SLC16A12: variants seen among roughly 807,000 people sequenced by gnomAD.
SLC16A12 encodes the protein monocarboxylate transporter 12.
In SLC16A12, 17 loss-of-function variants were observed where a neutral mutation model predicts 42.4. The ratio of observed to expected loss-of-function variants is 0.40; its 90% CI spans 0.27 to 0.60. SLC16A12 has a LOEUF of 0.60. SLC16A12 is among the 20% of genes least tolerant of loss of function. The probability of loss-of-function intolerance (pLI) is 0.42; values close to 1 mark genes in which losing one functional copy is unlikely to be tolerated. For missense variants in SLC16A12, 544 were observed against 623.0 expected (o/e 0.87, Z 1.35); for synonymous variants, 224 against 229.4 (o/e 0.98, Z 0.21).
chr10:89,485,699 A>G (rs989227436), intron 2 of SLC16A12, among the ~76,000 whole-genome samples: 5 of 152,226 alleles, frequency 3.3e-5, no homozygotes, highest in African/African-American at 1.2e-4. Flanking sequence ...GGGGAAGAAC[A>G]ATGCAGGTGA....
intron 4 of SLC16A12, 47 bp downstream of exon 4, chr10:89,443,709 A>C (rs1841952841): frequency 7.8e-7 from 1 of 1,279,596 alleles, no homozygotes; most frequent in Non-Finnish European, 1.1e-6. Flanking sequence ...TGTCATATAC[A>C]GTTCAAGAGT....
intron 2 of SLC16A12, among the ~76,000 whole-genome samples, chr10:89,548,209 T>C (rs1843752192): frequency 6.6e-6 from 1 of 152,152 alleles, no homozygotes; most frequent in South Asian, 2.1e-4. Context: ...TAGGACAAAG[T>C]GACTGATTAG....
intron 2 of SLC16A12, among the ~76,000 whole-genome samples, chr10:89,483,951 C>G (rs1466748659): frequency 6.6e-6 from 1 of 152,098 alleles, no homozygotes; most frequent in Admixed American, 6.5e-5. Context: ...GTTCAAATCT[C>G]AGCTTCTGCA....
At chr10:89,455,621 T>C (rs995261316) in intron 3 of SLC16A12, among the ~76,000 whole-genome samples, 4 of 152,220 alleles carry the variant, frequency 2.6e-5, no homozygotes, top group African/African-American at 9.6e-5. Flanking sequence ...TGTATGCCTC[T>C]GAACACAGGC....
chr10:89,450,445 T>C (rs185354712), intron 3 of SLC16A12, among the ~76,000 whole-genome samples: 351 of 152,218 alleles, frequency 2.3e-3, no homozygotes, highest in Non-Finnish European at 2.9e-3. Flanking sequence ...AAAGGATGAG[T>C]TCATGTCGTT....
In SLC16A12 at chr10:89,436,076, C is replaced by A; in HGVS notation, c.1272G>T (p.Val424=). ...GAAACTTACCTGCGATGGGTGGGCT[C>A]ACCAAGTATGGCACTGCGTGAAGGA... ...VYFLHAVPYL[V]SPPIAGRLVD... Residue 424 remains valine, a synonymous_variant, in exon 7 of 8, where the codon GTG becomes GTT. Coordinates refer to ENST00000371790, the MANE Select transcript of SLC16A12 (RefSeq NM_213606.4). The A allele has an allele frequency of 6.2e-7, 1 of 1,613,852 alleles. No individual in the cohort carries two copies. Among genetic ancestry groups the A allele is most frequent in the Non-Finnish European group, 8.5e-7 (1 of 1,179,828 alleles).
upstream of SLC16A12, among the ~76,000 whole-genome samples, chr10:89,537,913 G>C (rs1843690774): frequency 6.6e-6 from 1 of 152,236 alleles, no homozygotes; most frequent in Non-Finnish European, 1.5e-5. Context: ...TTGTGTGTCT[G>C]ATTCTATCTC....
intron 2 of SLC16A12, among the ~76,000 whole-genome samples, chr10:89,512,434 C>T (rs1391632969): frequency 6.6e-6 from 1 of 152,196 alleles, no homozygotes; most frequent in Admixed American, 6.5e-5. Context: ...AGAAGCCAAA[C>T]TTGTGATTAG....
intron 2 of SLC16A12, among the ~76,000 whole-genome samples, chr10:89,544,205 T>C (rs1249417843): frequency 6.6e-6 from 1 of 152,224 alleles, no homozygotes; most frequent in Non-Finnish European, 1.5e-5. Context: ...TTTCTCTAGC[T>C]GAGTGCTGCT....
intron 2 of SLC16A12, among the ~76,000 whole-genome samples, chr10:89,478,128 A>T (rs578099479): frequency 6.6e-6 from 1 of 152,272 alleles, no homozygotes; most frequent in East Asian, 1.9e-4. Flanking sequence ...GTCTAGTAAC[A>T]GTGGGAAACT....
Position 89,464,424 on chromosome 10 carries a change from G to A in SLC16A12, c.-46-1800C>T, listed in dbSNP as rs573417777. On this transcript the variant is annotated intron_variant, in intron 2 of 7. Coordinates refer to ENST00000371790, the MANE Select transcript of SLC16A12 (RefSeq NM_213606.4). ...AGGCTTCTTAATTACAGTCAGGGAC[G>A]AATTTTTTGAGAGGAAAAATAAGAG... Among the ~76,000 whole-genome samples the A allele has an allele frequency of 3.7e-4, 56 of 152,256 alleles. No individual in the cohort carries two copies. The South Asian group carries it at 6.2e-3, about 17-fold the overall frequency.
At chr10:89,433,474 T>C (rs1841726471) in intron 7 of SLC16A12, 148 bp from the exon 8 acceptor site, 1 of 805,480 alleles carries the variant, frequency 1.2e-6, no homozygotes, top group Non-Finnish European at 2.0e-6. Context: ...CCTAAAAATA[T>C]TGTGCAGCAA....
chr10:89,491,886 C>T (rs1842852776), intron 2 of SLC16A12, among the ~76,000 whole-genome samples: 1 of 152,116 alleles, frequency 6.6e-6, no homozygotes, highest in Non-Finnish European at 1.5e-5. Flanking sequence ...TTTTACTATA[C>T]TCTGCAAATG....
intron 2 of SLC16A12, among the ~76,000 whole-genome samples, chr10:89,521,880 G>A (rs1843364032): frequency 6.6e-6 from 1 of 152,202 alleles, no homozygotes. Flanking sequence ...CTTTGACAAT[G>A]TTCTATTGAG....
intron 2 of SLC16A12, among the ~76,000 whole-genome samples, chr10:89,512,267 TTC>T (rs1356565889): frequency 6.6e-6 from 1 of 152,182 alleles, no homozygotes; most frequent in East Asian, 1.9e-4. Context: ...GTGAACATAC[TTC>T]TGACATAGTG....
At position 89,430,422 on chromosome 10, in the gene SLC16A12, T is replaced by C; in HGVS notation, c.*2642A>G. 1 of 295,374 alleles carries C rather than the reference T, an allele frequency of 3.4e-6. No individual in the cohort carries two copies. The allele number at this position is 295,374 out of a possible 1,614,324, so 18.3% of individuals were successfully genotyped here. On this transcript the variant is annotated 3_prime_UTR_variant, in exon 8 of 8. Transcript: ENST00000371790. ...CAATCATACAGTGTATCTACAAAGT[T>C]AGATAATGTCTTCTGATTTTCTACT... is the stretch of plus-strand genomic sequence containing the variant.
chr10:89,488,979 G>T (rs539234583), intron 2 of SLC16A12, among the ~76,000 whole-genome samples: 1 of 152,276 alleles, frequency 6.6e-6, no homozygotes, highest in African/African-American at 2.4e-5. Context: ...CTTTCATGAT[G>T]AAAGAAAAGG....
chr10:89,492,923 A>G (rs764125616), intron 2 of SLC16A12, among the ~76,000 whole-genome samples: 15 of 151,998 alleles, frequency 9.9e-5, no homozygotes, highest in Non-Finnish European at 2.2e-4. Flanking sequence ...GGCCTGGCCA[A>G]TCAGAGGCAT....
At chr10:89,518,572 C>T (rs1429667003) in intron 2 of SLC16A12, among the ~76,000 whole-genome samples, 2 of 152,114 alleles carry the variant, frequency 1.3e-5, no homozygotes, top group East Asian at 1.9e-4. Flanking sequence ...GGATTATTTT[C>T]GAGGTGATTT....
Sources: allele counts gnomAD v4.1 joint callset (sites outside exome capture counted in the v4.1 genomes callset), GRCh38; gene constraint gnomAD v4.1.1; transcripts MANE v1.5; gene names NCBI Gene and HGNC (gene_info 2026-07-23, HGNC 2026-07-21).